Variants in SGMS1 observed in about 807,000 individuals in gnomAD.
SGMS1 encodes phosphatidylcholine:ceramide cholinephosphotransferase 1.
A neutral mutation model predicts 46.2 loss-of-function variants in SGMS1; 13 were observed. That is an observed-to-expected ratio of 0.28 (90% CI 0.18 to 0.45). SGMS1 has a LOEUF of 0.45. SGMS1 is among the 20% of genes least tolerant of loss of function. The pLI is 1.00. For synonymous variants in SGMS1, 203 were observed against 187.8 expected, an observed-to-expected ratio of 1.08 and a Z score of -0.66; for missense variants, 324 against 519.9, an observed-to-expected ratio of 0.62 and a Z score of 3.66.
At chr10:50,321,229 T>C (rs1847437304) in intron 8 of SGMS1, among the ~76,000 whole-genome samples, 1 of 152,178 alleles carries the variant, frequency 6.6e-6, no homozygotes, top group Non-Finnish European at 1.5e-5. Flanking sequence ...ATATGAATAA[T>C]AAATGCATAG....
chr10:50,314,747 A>T (rs1045580802), intron 8 of SGMS1, among the ~76,000 whole-genome samples: 1 of 151,756 alleles, frequency 6.6e-6, no homozygotes, highest in African/African-American at 2.4e-5. Context: ...ACATGGCGAG[A>T]CTGTCTGTAC....
chr10:50,408,455 A>C (rs573567715), intron 6 of SGMS1, among the ~76,000 whole-genome samples: 2,201 of 143,736 alleles, frequency 0.015, 63 homozygotes, highest in African/African-American at 0.055. Flanking sequence ...AAAAAAAAAA[A>C]CAAAATAAAA....
At chr10:50,562,955 G>T (rs976686308) in intron 2 of SGMS1, among the ~76,000 whole-genome samples, 13 of 152,136 alleles carry the variant, frequency 8.5e-5, no homozygotes, top group Admixed American at 5.9e-4. Context: ...GCTCGATCTG[G>T]TCACTGTTTT....
intron 9 of SGMS1, 37 bp from the exon 10 acceptor site, chr10:50,308,185 C>T (rs780612290): frequency 2.5e-6 from 4 of 1,593,530 alleles, no homozygotes; most frequent in Non-Finnish European, 3.4e-6. Flanking sequence ...TCCCATTATT[C>T]AAATGACATT....
intron 1 of SGMS1, among the ~76,000 whole-genome samples, chr10:50,595,771 G>GGGAA (rs920219018): frequency 2.5e-4 from 38 of 152,294 alleles, no homozygotes; most frequent in African/African-American, 8.7e-4. Context: ...GCCATATTGG[G>GGGAA]GGAAGGTATG....
At position 50,537,138 on chromosome 10, in the gene SGMS1, T is replaced by A. The variant is rs1313052749; in HGVS notation, c.-588-17217A>T. Among the ~76,000 whole-genome samples the A allele has an allele frequency of 2.0e-5, 3 of 152,256 alleles. No homozygotes were observed. In the East Asian group the frequency reaches 5.8e-4, roughly 29 times the overall value. On this transcript the variant is annotated intron_variant, in intron 2 of 10. Coordinates refer to ENST00000361781, the MANE Select transcript of SGMS1 (RefSeq NM_147156.4). ...AGTCTGCATCTCTAACATGTCTAAC[T>A]GAATGACTGATACATATCAATGCAT...
At chr10:50,344,953 T>C (rs1332128565) in intron 6 of SGMS1, among the ~76,000 whole-genome samples, 1 of 152,068 alleles carries the variant, frequency 6.6e-6, no homozygotes, top group Non-Finnish European at 1.5e-5. Flanking sequence ...TTCAACCTGG[T>C]CAAGAGACCA....
At chr10:50,616,294 G>GTATT (rs150519306) in intron 1 of SGMS1, among the ~76,000 whole-genome samples, 5,837 of 151,594 alleles carry the variant, frequency 0.039, 372 homozygotes, top group African/African-American at 0.13. Context: ...CTAATTTTAT[G>GTATT]TATTTATTTA....
intron 6 of SGMS1, among the ~76,000 whole-genome samples, chr10:50,429,226 G>C (rs1231047841): frequency 6.6e-6 from 1 of 152,142 alleles, no homozygotes; most frequent in Admixed American, 6.5e-5. Flanking sequence ...GGTCAACAAG[G>C]GACACACAAA....
At chr10:50,623,040 G>A (rs1838869793) in intron 1 of SGMS1, among the ~76,000 whole-genome samples, 1 of 152,054 alleles carries the variant, frequency 6.6e-6, no homozygotes, top group Non-Finnish European at 1.5e-5. Flanking sequence ...CCGCCCCGCG[G>A]GGGCAGCCCT....
intron 8 of SGMS1, among the ~76,000 whole-genome samples, chr10:50,316,696 C>T (rs1408535328): frequency 2.6e-5 from 4 of 152,104 alleles, no homozygotes; most frequent in Non-Finnish European, 4.4e-5. Context: ...CATTATCATC[C>T]ACAAAATGCT....
At chr10:50,379,753 G>A (rs1328121614) in intron 6 of SGMS1, among the ~76,000 whole-genome samples, 1 of 152,122 alleles carries the variant, frequency 6.6e-6, no homozygotes, top group Non-Finnish European at 1.5e-5. Flanking sequence ...AGGCCAGGCA[G>A]TCATGGAATT....
chr10:50,438,565 T>C (rs1201218925), intron 5 of SGMS1, among the ~76,000 whole-genome samples: 1 of 152,208 alleles, frequency 6.6e-6, no homozygotes, highest in African/African-American at 2.4e-5. Context: ...TGCTAAGTCA[T>C]TCCCAGACTC....
intron 6 of SGMS1, among the ~76,000 whole-genome samples, chr10:50,414,706 C>T (rs985299443): frequency 6.6e-6 from 1 of 152,176 alleles, no homozygotes; most frequent in Non-Finnish European, 1.5e-5. Flanking sequence ...TTTGGAGTCT[C>T]TATTCGTAAC....
At chr10:50,460,582 A>C (rs1168403182) in intron 5 of SGMS1, 91 bp downstream of exon 5, 3 of 152,248 alleles carry the variant, frequency 2.0e-5, no homozygotes, top group African/African-American at 7.2e-5. Context: ...GATTCAAGAC[A>C]AGAGCTCATT....
chr10:50,593,144 G>A (rs963465047), intron 1 of SGMS1, among the ~76,000 whole-genome samples: 2 of 152,224 alleles, frequency 1.3e-5, no homozygotes, highest in African/African-American at 4.8e-5. Flanking sequence ...GGAAAGAACT[G>A]AGGCCTCTTG....
intron 6 of SGMS1, among the ~76,000 whole-genome samples, chr10:50,370,195 C>T (rs1419009460): frequency 3.3e-5 from 5 of 152,082 alleles, no homozygotes. Context: ...ACACTGCACA[C>T]TTAGGGTACA....
chr10:50,314,358 C>T (rs1847305415), intron 8 of SGMS1, among the ~76,000 whole-genome samples: 1 of 152,086 alleles, frequency 6.6e-6, no homozygotes, highest in Admixed American at 6.6e-5. Flanking sequence ...GGCCACGAAA[C>T]AGATATCTGC....
intron 2 of SGMS1, among the ~76,000 whole-genome samples, chr10:50,575,504 C>T (rs1446356402): frequency 1.3e-5 from 2 of 152,078 alleles, no homozygotes; most frequent in African/African-American, 2.4e-5. Context: ...TATGATGGTG[C>T]CACTGCATTC....
Sources: allele counts gnomAD v4.1 joint callset (sites outside exome capture counted in the v4.1 genomes callset), GRCh38; gene constraint gnomAD v4.1.1; transcripts MANE v1.5; gene names NCBI Gene and HGNC (gene_info 2026-07-23, HGNC 2026-07-21).